GLIS3: variants seen among roughly 807,000 people sequenced by gnomAD.
The protein encoded by GLIS3 is zinc finger protein GLIS3.
GLIS3 carries 53 observed loss-of-function variants against 78.6 expected under a neutral mutation model. The observed-to-expected ratio is 0.67, with a 90% CI of 0.54 to 0.85. The LOEUF is 0.85. GLIS3 is among the 40% of genes least tolerant of loss of function. The probability of loss-of-function intolerance (pLI) is 0.00; values close to 1 mark genes in which losing one functional copy is unlikely to be tolerated. For missense variants in GLIS3, 1,703 were observed against 1,231.1 expected, an observed-to-expected ratio of 1.38 and a Z score of -5.74; for synonymous variants, 684 against 509.9, an observed-to-expected ratio of 1.34 and a Z score of -4.60.
At chr9:4,201,882 T>C (rs1016892106) in intron 2 of GLIS3, among the ~76,000 whole-genome samples, 7 of 152,150 alleles carry the variant, frequency 4.6e-5, no homozygotes, top group African/African-American at 1.7e-4. Flanking sequence ...ATGCCTGTAA[T>C]TCCAGGAGTT....
intron 2 of GLIS3, among the ~76,000 whole-genome samples, chr9:4,318,655 G>C (rs1440934529): frequency 2.0e-5 from 3 of 152,066 alleles, no homozygotes; most frequent in African/African-American, 4.8e-5. Context: ...GTAAATAATG[G>C]GGAAGAGAAA....
chr9:4,025,208 C>A (rs535984384), intron 4 of GLIS3, among the ~76,000 whole-genome samples: 14 of 151,398 alleles, frequency 9.2e-5, no homozygotes, highest in African/African-American at 3.4e-4. Flanking sequence ...GCCAAGATGG[C>A]GGCACTGCAC....
the GLIS3 span, among the ~76,000 whole-genome samples, chr9:4,421,230 T>C: frequency 6.6e-6 from 1 of 152,200 alleles, no homozygotes; most frequent in Non-Finnish European, 1.5e-5. Flanking sequence ...AGCTTACTAG[T>C]GAGCCTGCTA....
intron 8 of GLIS3, among the ~76,000 whole-genome samples, chr9:3,875,410 G>A (rs1171730488): frequency 1.3e-5 from 2 of 151,874 alleles, no homozygotes; most frequent in Non-Finnish European, 2.9e-5. Flanking sequence ...GACCTTTCCT[G>A]ACTTCTGACA....
chr9:4,013,798 G>A (rs940183150), intron 4 of GLIS3, among the ~76,000 whole-genome samples: 8 of 152,190 alleles, frequency 5.3e-5, no homozygotes, highest in African/African-American at 1.9e-4. Flanking sequence ...AGGCAGGCTA[G>A]GTAGGAGATA....
chr9:4,208,144 C>CT (rs1319525300), intron 2 of GLIS3, among the ~76,000 whole-genome samples: 1 of 152,180 alleles, frequency 6.6e-6, no homozygotes, highest in Non-Finnish European at 1.5e-5. Context: ...GGGAGAAAAG[C>CT]TTTTATTTGA....
At chr9:3,976,099 G>T (rs1818763557) in intron 4 of GLIS3, among the ~76,000 whole-genome samples, 1 of 152,064 alleles carries the variant, frequency 6.6e-6, no homozygotes, top group Admixed American at 6.6e-5. Flanking sequence ...ATCCCTAGAA[G>T]ATTTTGGTTT....
chr9:4,444,032 G>A, the GLIS3 span, among the ~76,000 whole-genome samples: 119 of 152,254 alleles, frequency 7.8e-4, no homozygotes, highest in African/African-American at 2.7e-3. Flanking sequence ...CATCATAGAT[G>A]AGGCACCCCA....
chr9:3,923,149 C>G (rs1241812607), intron 6 of GLIS3, among the ~76,000 whole-genome samples: 1 of 152,148 alleles, frequency 6.6e-6, no homozygotes, highest in Non-Finnish European at 1.5e-5. Flanking sequence ...ATATGCCAAC[C>G]AAACTAATTG....
At chr9:4,247,485 A>T (rs887728874) in intron 2 of GLIS3, among the ~76,000 whole-genome samples, 1 of 152,112 alleles carries the variant, frequency 6.6e-6, no homozygotes, top group Admixed American at 6.6e-5. Context: ...CATCAAATCA[A>T]ATTTGCGCAT....
At chr9:4,067,035 T>C (rs1183919311) in intron 4 of GLIS3, among the ~76,000 whole-genome samples, 2 of 152,160 alleles carry the variant, frequency 1.3e-5, no homozygotes, top group Admixed American at 6.5e-5. Flanking sequence ...TAATTCTCAA[T>C]TTTGTTTGGA....
At chr9:3,940,356 G>GA (rs1563873039) in intron 4 of GLIS3, among the ~76,000 whole-genome samples, 1 of 152,074 alleles carries the variant, frequency 6.6e-6, no homozygotes, top group East Asian at 1.9e-4. Flanking sequence ...GGGAAGCAAG[G>GA]AACATTAAGA....
At chr9:3,906,374 G>A (rs942333578) in intron 6 of GLIS3, among the ~76,000 whole-genome samples, 1 of 152,198 alleles carries the variant, frequency 6.6e-6, no homozygotes. Context: ...AAGTGGTCCA[G>A]CTGAATTGCT....
intron 4 of GLIS3, among the ~76,000 whole-genome samples, chr9:3,945,398 C>T (rs944033735): frequency 6.6e-6 from 1 of 152,176 alleles, no homozygotes; most frequent in Admixed American, 6.5e-5. Context: ...GCGACCAATT[C>T]CCTCCTCCAT....
At position 3,886,846 on chromosome 9, in the gene GLIS3, G is replaced by GTTAA. The variant is rs148698884; in HGVS notation, c.2129-7255_2129-7252dup. Among the ~76,000 whole-genome samples, 543 of 152,344 alleles carry GTTAA rather than the reference G, an allele frequency of 3.6e-3. 14 individuals carry two copies. The East Asian group carries it at 0.076, about 21-fold the overall frequency. ...TTGGAAGGCTGCGTTTGGTATTGAG[G>GTTAA]TTAATTGGAGAACGAGAGAGAGGCC... On this transcript the variant is annotated intron_variant, in intron 7 of 10. Transcript: ENST00000381971.
intron 2 of GLIS3, among the ~76,000 whole-genome samples, chr9:4,329,157 C>T (rs1478196180): frequency 1.3e-5 from 2 of 152,146 alleles, no homozygotes; most frequent in African/African-American, 4.8e-5. Context: ...GAATTTTCTA[C>T]CTCTGTGGCC....
chr9:4,241,500 T>G (rs1015264937), intron 2 of GLIS3, among the ~76,000 whole-genome samples: 1 of 152,180 alleles, frequency 6.6e-6, no homozygotes, highest in South Asian at 2.1e-4. Context: ...TGAGGTGATG[T>G]ACACCCCAAC....
intron 4 of GLIS3, among the ~76,000 whole-genome samples, chr9:3,955,410 G>A (rs1158404485): frequency 6.6e-6 from 1 of 152,188 alleles, no homozygotes; most frequent in African/African-American, 2.4e-5. Context: ...CTGAACTTGA[G>A]TTCCATGGCA....
intron 4 of GLIS3, among the ~76,000 whole-genome samples, chr9:4,050,984 A>G (rs1825712054): frequency 6.6e-6 from 1 of 152,186 alleles, no homozygotes; most frequent in Admixed American, 6.5e-5. Flanking sequence ...CCTGTTGGAG[A>G]ACAATAAACT....
Sources: allele counts gnomAD v4.1 joint callset (sites outside exome capture counted in the v4.1 genomes callset), GRCh38; gene constraint gnomAD v4.1.1; transcripts MANE v1.5; gene names NCBI Gene and HGNC (gene_info 2026-07-23, HGNC 2026-07-21).